Variants in ABCC3 observed in about 807,000 individuals in gnomAD.
The protein encoded by ABCC3 is ATP binding cassette subfamily C member 3, also known as ATP-binding cassette sub-family C member 3.
A neutral mutation model predicts 165.3 loss-of-function variants in ABCC3; 121 were observed. The ratio of observed to expected loss-of-function variants is 0.73; its 90% CI spans 0.63 to 0.85. ABCC3 has a LOEUF of 0.85. Among genes scored for constraint, ABCC3 ranks in the 40% least tolerant of loss-of-function variants. The pLI, the probability that ABCC3 is intolerant of heterozygous loss-of-function variation, is 0.00. For missense variants in ABCC3, 1,869 were observed against 1,964.1 expected, an observed-to-expected ratio of 0.95 and a Z score of 0.92; for synonymous variants, 733 against 810.1, an observed-to-expected ratio of 0.90 and a Z score of 1.62.
chr17:50,649,854 T>C (rs1408412241), intron 1 of ABCC3, among the ~76,000 whole-genome samples: 1 of 152,208 alleles, frequency 6.6e-6, no homozygotes, highest in East Asian at 1.9e-4. Flanking sequence ...TTCGGAGGCA[T>C]ATACAAAAAG....
rs1250241706 is a variant in ABCC3, at chr17:50,677,860, C to A, written c.3495C>A (p.Asn1165Lys). ...VTGASVIRAY[N>K]RSRDFEIISD... is the part of the protein sequence containing the mutation. ...GTGCCAGTGTCATCCGGGCCTACAA[C>A]CGCAGCCGGGATTTTGAGATCATCA... The change falls in exon 24 of 31, where the codon AAC (asparagine) becomes AAA (lysine). Residue 1165 changes from asparagine (N) to lysine (K), a missense_variant. Asn to Lys is a moderately conservative substitution (Grantham distance 94). Coordinates refer to ENST00000285238, the MANE Select transcript of ABCC3 (RefSeq NM_003786.4). 4 of 1,614,040 alleles carry A rather than the reference C, an allele frequency of 2.5e-6. No individual in the cohort carries two copies. The highest frequency in any genetic ancestry group is 3.4e-6 in the Non-Finnish European group (4 of 1,180,042).
chr17:50,666,093 CATATACT>C (rs1028596788), intron 11 of ABCC3, among the ~76,000 whole-genome samples: 2 of 152,180 alleles, frequency 1.3e-5, no homozygotes, highest in African/African-American at 4.8e-5. Context: ...GGGGCCACCA[CATATACT>C]ATTCCCTCTG....
intron 19 of ABCC3, among the ~76,000 whole-genome samples, chr17:50,673,876 CCT>C (rs1373812970): frequency 1.9e-4 from 29 of 151,042 alleles, no homozygotes; most frequent in African/African-American, 7.1e-4. Context: ...GAACTCAGAT[CCT>C]CCGCCCCGGT....
chr17:50,673,303 C>T (rs971705651), intron 18 of ABCC3, 165 bp downstream of exon 18: 11 of 1,217,252 alleles, frequency 9.0e-6, no homozygotes, highest in African/African-American at 1.5e-5. Context: ...ACTCCCCCAC[C>T]TGCGAGGTTC....
At chr17:50,643,458 C>G in intron 1 of ABCC3, 1 of 445,920 alleles carries the variant, frequency 2.2e-6, no homozygotes, top group Non-Finnish European at 4.5e-6. Flanking sequence ...CCCACCTGGG[C>G]CTTCAATGAA....
chr17:50,683,605 G>A lies in ABCC3; in HGVS notation c.3808-5G>A. 6.4e-7 allele frequency: 1 copy of A among 1,553,072 alleles called. No individual in the cohort carries two copies. Among genetic ancestry groups the A allele is most frequent in the Non-Finnish European group, 8.7e-7 (1 of 1,150,890 alleles). ...TGATGTGACCCCATCTGCCCCTCCT[G>A]CCAGGCGCCCTGGGTGGTGGAAGGC... On this transcript the variant is annotated splice_polypyrimidine_tract_variant and splice_region_variant and intron_variant, in intron 26 of 30. Transcript: ENST00000285238.
At chr17:50,663,601 G>A (rs777950840) in intron 8 of ABCC3, 80 bp from the exon 9 acceptor site, 79 of 1,515,310 alleles carry the variant, frequency 5.2e-5, no homozygotes, top group Admixed American at 5.3e-5. Context: ...TGGAGACTGC[G>A]GGTAAAAGCA....
intron 1 of ABCC3, among the ~76,000 whole-genome samples, chr17:50,642,002 A>G (rs776007908): frequency 1.3e-5 from 2 of 152,094 alleles, no homozygotes; most frequent in Non-Finnish European, 2.9e-5. Context: ...GGGAAAAAAA[A>G]AAAAAAAGAA....
In ABCC3 at chr17:50,678,352, A is replaced by AG. The variant is rs1053971861; in HGVS notation, c.3705+134dup. ...ACAGGGTCTGTTCTCAAGGACTGTG[A>AG]GAAAAAAAAAAAAAGAAAAAAATCA... On this transcript the variant is annotated intron_variant, in intron 25 of 30. Transcript: ENST00000285238. 45 of 895,106 alleles carry AG rather than the reference A, an allele frequency of 5.0e-5. No individual in the cohort carries two copies. In the South Asian group the frequency reaches 8.6e-4, roughly 17 times the overall value. The allele number at this position is 895,106 out of a possible 1,614,324, so 55.4% of individuals were successfully genotyped here.
intron 30 of ABCC3, among the ~76,000 whole-genome samples, chr17:50,688,011 G>T: frequency 6.6e-6 from 1 of 151,416 alleles, no homozygotes; most frequent in African/African-American, 2.4e-5. Context: ...CTGGAGTGCA[G>T]TGGCTCACTG....
intron 29 of ABCC3, among the ~76,000 whole-genome samples, chr17:50,685,160 G>A (rs1403072530): frequency 6.6e-6 from 1 of 152,204 alleles, no homozygotes. Context: ...GGAGAAGGCA[G>A]GTCTGGGATT....
At chr17:50,654,567 T>A (rs1179499492) in intron 1 of ABCC3, among the ~76,000 whole-genome samples, 1 of 152,152 alleles carries the variant, frequency 6.6e-6, no homozygotes, top group East Asian at 1.9e-4. Flanking sequence ...GGAGAGTTGA[T>A]CACTCTAGTC....
At chr17:50,678,841 A>G (rs929979486) in intron 25 of ABCC3, 1 of 152,084 alleles carries the variant, frequency 6.6e-6, no homozygotes, top group Non-Finnish European at 1.5e-5. Context: ...AATAGCTTGA[A>G]CCTGGGAGGC....
At position 50,653,832 on chromosome 17, in the gene ABCC3, G is replaced by A. The variant is rs1330958724; in HGVS notation, c.46-2000G>A. ...ACCATGTGGTCAAGTAGTACTTACA[G>A]AGAGAAAAAAAGTGACACATAGAAA... On this transcript the variant is annotated intron_variant, in intron 1 of 30. Transcript: ENST00000285238. Among the ~76,000 whole-genome samples, 3 of 151,250 alleles carry A rather than the reference G, an allele frequency of 2.0e-5. No homozygotes were observed. In the East Asian group the frequency reaches 5.8e-4, roughly 29 times the overall value.
At chr17:50,690,524 C>A (rs1968104787) in intron 30 of ABCC3, among the ~76,000 whole-genome samples, 1 of 152,186 alleles carries the variant, frequency 6.6e-6, no homozygotes, top group Non-Finnish European at 1.5e-5. Flanking sequence ...GCCCACTGGC[C>A]TTGTACCAGG....
In ABCC3 at chr17:50,657,191, T is replaced by TG; in HGVS notation, c.486+13dup. ...CTTTTAGCCAAGGCAGAGGTAAGGT[T>TG]GGGGGAGAGGGGAACCTGCCAGGTT... On this transcript the variant is annotated intron_variant, in intron 4 of 30. Coordinates refer to ENST00000285238, the MANE Select transcript of ABCC3 (RefSeq NM_003786.4). 1.9e-6 allele frequency: 3 copies of TG among 1,613,114 alleles called. No homozygotes were observed. The African/African-American group carries it at 4.0e-5, about 22-fold the overall frequency.
Position 50,670,429 on chromosome 17 carries a change from T to A in ABCC3, c.2241+901T>A, listed in dbSNP as rs185442493. 1.5e-3 allele frequency among the ~76,000 whole-genome samples: 232 copies of A among 152,210 alleles called. 1 individual carries two copies. The highest frequency in any genetic ancestry group is 2.2e-3 in the Non-Finnish European group (151 of 68,024). On this transcript the variant is annotated intron_variant, in intron 17 of 30. Transcript: ENST00000285238. Reference sequence around the variant, plus strand: ...GTTTTAACAACTGAGGAGGAGGAGCTCATCATGTATCTGTTCATTCATTTA... The same window carrying A: ...GTTTTAACAACTGAGGAGGAGGAGCACATCATGTATCTGTTCATTCATTTA...
At position 50,673,900 on chromosome 17, in the gene ABCC3, T is replaced by TTTTCTTTCTTTCTTTCTTTC. The variant is rs1396264236; in HGVS notation, c.2599+304_2599+323dup. 1.8e-4 allele frequency among the ~76,000 whole-genome samples: 24 copies of TTTTCTTTCTTTCTTTCTTTC among 131,624 alleles called. 2 individuals carry two copies. Among genetic ancestry groups the TTTTCTTTCTTTCTTTCTTTC allele is most frequent in the East Asian group, 4.8e-4 (2 of 4,170 alleles). The allele number at this position is 131,624 out of a possible 152,430, so 86.4% of individuals were successfully genotyped here. A position where few individuals can be genotyped will look rare whatever the true frequency, so the allele number is the denominator to read the frequency against. ...TCCTCCGCCCCGGTCTCAGAGCCTG[T>TTTTCTTTCTTTCTTTCTTTC]TTTCTTTCTTTCTTTCTTTCTTTCT... On this transcript the variant is annotated intron_variant, in intron 19 of 30. Coordinates refer to ENST00000285238, the MANE Select transcript of ABCC3 (RefSeq NM_003786.4).
At chr17:50,684,271 ATGGATC>A (rs1967981915) in intron 28 of ABCC3, among the ~76,000 whole-genome samples, 164 bp downstream of exon 28, 1 of 152,050 alleles carries the variant, frequency 6.6e-6, no homozygotes, top group African/African-American at 2.4e-5. Context: ...GCCACCCGTC[ATGGATC>A]TGGAAAGCTC....
Sources: allele counts gnomAD v4.1 joint callset (sites outside exome capture counted in the v4.1 genomes callset), GRCh38; gene constraint gnomAD v4.1.1; transcripts MANE v1.5; gene names NCBI Gene and HGNC (gene_info 2026-07-23, HGNC 2026-07-21).